Variants in TMEFF1 observed in about 807,000 individuals in gnomAD.
The protein encoded by TMEFF1 is tomoregulin-1.
In TMEFF1, 20 loss-of-function variants were observed where a neutral mutation model predicts 47.5. The observed-to-expected ratio is 0.42, with a 90% CI of 0.30 to 0.61. TMEFF1 has a LOEUF of 0.61. TMEFF1 is among the 20% of genes least tolerant of loss of function. The pLI is 0.19. For missense variants in TMEFF1, 411 were observed against 471.1 expected (o/e 0.87, Z 1.18); for synonymous variants, 162 against 166.3 (o/e 0.97, Z 0.20).
intron 3 of TMEFF1, 138 bp from the exon 4 acceptor site, chr9:100,513,169 A>G: frequency 1.7e-6 from 2 of 1,185,744 alleles, no homozygotes; most frequent in Admixed American, 5.1e-5. Flanking sequence ...GTAAGAATAA[A>G]TAAGATATCA....
At position 100,561,510 on chromosome 9, in the gene TMEFF1, G is replaced by C; in HGVS notation, c.889G>C (p.Ala297Pro). Reference protein sequence around the residue: ...KCEFIYSTQKASCRCESGYTG... With the variant: ...KCEFIYSTQKPSCRCESGYTG... ...TGAATTCATCTATTCTACTCAGAAG[G>C]CTTCTTGTAGGTAAGTCAGCGCTTC... Residue 297 changes from alanine (A) to proline (P), a missense_variant, in exon 8 of 10, where the codon GCT becomes CCT. Ala to Pro is a conservative substitution (Grantham distance 27). Transcript: ENST00000374879. 1 of 1,611,178 alleles carries C rather than the reference G, an allele frequency of 6.2e-7. No individual in the cohort carries two copies. The highest frequency in any genetic ancestry group is 8.5e-7 in the Non-Finnish European group (1 of 1,178,916).
At chr9:100,474,495 G>A (rs1362385217) in intron 1 of TMEFF1, among the ~76,000 whole-genome samples, 1 of 151,998 alleles carries the variant, frequency 6.6e-6, no homozygotes, top group African/African-American at 2.4e-5. Flanking sequence ...AGTCACCCTG[G>A]GGTATGCATT....
intron 3 of TMEFF1, among the ~76,000 whole-genome samples, chr9:100,509,816 A>T (rs571394041): frequency 2.8e-4 from 43 of 151,172 alleles, no homozygotes; most frequent in African/African-American, 1.0e-3. Context: ...GTAGAAAGTC[A>T]TTAGCAGTAT....
intron 5 of TMEFF1, among the ~76,000 whole-genome samples, chr9:100,532,961 C>T (rs555477837): frequency 6.7e-4 from 102 of 151,896 alleles, no homozygotes; most frequent in African/African-American, 2.4e-3. Context: ...AATTGGAAAT[C>T]ATCATTGTCA....
chr9:100,554,769 G>A (rs976765036), intron 7 of TMEFF1, among the ~76,000 whole-genome samples: 3 of 151,856 alleles, frequency 2.0e-5, no homozygotes, highest in African/African-American at 4.8e-5. Context: ...GGCTGGGGAG[G>A]TGCAGGGTAG....
intron 5 of TMEFF1, among the ~76,000 whole-genome samples, chr9:100,529,569 C>T (rs1838336656): frequency 1.3e-5 from 2 of 151,826 alleles, no homozygotes; most frequent in South Asian, 4.2e-4. Flanking sequence ...GCACCCAATA[C>T]AGGAGCACCC....
At chr9:100,529,252 A>T (rs1414148398) in intron 5 of TMEFF1, among the ~76,000 whole-genome samples, 1 of 150,042 alleles carries the variant, frequency 6.7e-6, no homozygotes, top group Non-Finnish European at 1.5e-5. Context: ...TATTAACTTT[A>T]AATGTAAATG....
chr9:100,521,085 C>T (rs1053322558), intron 5 of TMEFF1, among the ~76,000 whole-genome samples: 10 of 152,190 alleles, frequency 6.6e-5, no homozygotes, highest in Non-Finnish European at 8.8e-5. Context: ...GAAACAAACA[C>T]TCGCAGAAAC....
intron 3 of TMEFF1, among the ~76,000 whole-genome samples, chr9:100,511,048 G>A (rs900967505): frequency 4.6e-5 from 7 of 152,128 alleles, no homozygotes; most frequent in Non-Finnish European, 8.8e-5. Flanking sequence ...GGGAAAAGAC[G>A]AGACCTCTCT....
intron 5 of TMEFF1, among the ~76,000 whole-genome samples, chr9:100,520,617 TAAAC>T (rs1838144886): frequency 1.3e-5 from 2 of 152,244 alleles, no homozygotes; most frequent in Admixed American, 1.3e-4. Flanking sequence ...TTTGCCTTCT[TAAAC>T]AGAATATACA....
intron 2 of TMEFF1, among the ~76,000 whole-genome samples, chr9:100,501,885 C>T (rs963851513): frequency 3.3e-5 from 5 of 152,124 alleles, no homozygotes; most frequent in Non-Finnish European, 5.9e-5. Flanking sequence ...CCTCGTGAAC[C>T]GCCTGCCTTG....
At chr9:100,499,555 A>G (rs181182176) in intron 2 of TMEFF1, among the ~76,000 whole-genome samples, 1 of 152,208 alleles carries the variant, frequency 6.6e-6, no homozygotes, top group East Asian at 1.9e-4. Flanking sequence ...TTTTTTTTCC[A>G]CTCACAATTT....
At chr9:100,531,105 C>G (rs1838367943) in intron 5 of TMEFF1, among the ~76,000 whole-genome samples, 2 of 152,028 alleles carry the variant, frequency 1.3e-5, no homozygotes, top group Non-Finnish European at 1.5e-5. Context: ...TAAGAGCTAT[C>G]TATGACAAAC....
At position 100,497,320 on chromosome 9, in the gene TMEFF1, C is replaced by CTTTTTTTTTTT. The variant is rs752427622; in HGVS notation, c.197-1431_197-1421dup. ...TCTTGCTTTAAGTTTCCACTCATGTCTTTTTTTTTTTTTTTTTTTTTTTTG... is the reference window on the plus strand; with the variant it reads ...TCTTGCTTTAAGTTTCCACTCATGTCTTTTTTTTTTTTTTTTTTTTTTTTTTTTTTTTTTTG... On this transcript the variant is annotated intron_variant, in intron 1 of 9. Coordinates refer to ENST00000374879, the MANE Select transcript of TMEFF1 (RefSeq NM_003692.5). 1.7e-3 allele frequency among the ~76,000 whole-genome samples: 101 copies of CTTTTTTTTTTT among 59,540 alleles called. 6 individuals carry two copies. Among genetic ancestry groups the CTTTTTTTTTTT allele is most frequent in the South Asian group, 4.6e-3 (5 of 1,092 alleles). 39.1% of individuals were successfully genotyped at this position (59,540 alleles called of 152,430 possible).
rs577478642 is a variant in TMEFF1, at chr9:100,550,032, G to A, written c.710-63G>A. ...ACTTGGAATAATTTGGAATTATTGG[G>A]AGTATCATGATATGACTTAACCATT... is the stretch of plus-strand genomic sequence containing the variant. On this transcript the variant is annotated intron_variant, in intron 6 of 9. Coordinates refer to ENST00000374879, the MANE Select transcript of TMEFF1 (RefSeq NM_003692.5). 4.5e-5 allele frequency: 69 copies of A among 1,547,788 alleles called. 1 individual carries two copies. The South Asian group carries it at 6.9e-4, about 16-fold the overall frequency.
intron 1 of TMEFF1, 79 bp from the exon 2 acceptor site, chr9:100,498,684 TAC>T (rs372284828): frequency 5.8e-3 from 6,947 of 1,206,354 alleles, no homozygotes; most frequent in South Asian, 7.9e-3. Context: ...GACTTTTTCA[TAC>T]ACACACACAC....
Position 100,577,204 on chromosome 9 carries a change from A to T in TMEFF1, c.*604A>T, listed in dbSNP as rs1238465360. The T allele has an allele frequency of 6.6e-6, 1 of 152,652 alleles. No homozygotes were observed. The highest frequency in any genetic ancestry group is 1.5e-5 in the Non-Finnish European group (1 of 68,028). 9.5% of individuals were successfully genotyped at this position (152,652 alleles called of 1,614,324 possible). On this transcript the variant is annotated 3_prime_UTR_variant, in exon 10 of 10. Transcript: ENST00000374879. ...AAATATGTTAGTAATGATGGAACAG[A>T]TCAATGAAAAGTAGATATAGATATT...
intron 8 of TMEFF1, among the ~76,000 whole-genome samples, chr9:100,566,519 C>T (rs145267964): frequency 5.8e-4 from 88 of 152,240 alleles, no homozygotes; most frequent in African/African-American, 1.9e-3. Context: ...ACTTCTCTTT[C>T]GTATCCAATC....
chr9:100,490,863 G>GTA (rs978811197), intron 1 of TMEFF1, among the ~76,000 whole-genome samples: 2 of 151,208 alleles, frequency 1.3e-5, no homozygotes, highest in Admixed American at 6.6e-5. Context: ...GTGTGTGTGT[G>GTA]TGTGTGTGTA....
Sources: gnomAD v4.1 joint callset for allele counts (sites outside exome capture counted in the v4.1 genomes callset) on GRCh38, gnomAD v4.1.1 for gene constraint, MANE v1.5 for transcripts, NCBI Gene and HGNC (gene_info 2026-07-23, HGNC 2026-07-21) for gene names.